Variants in WDR11 observed in about 807,000 individuals in gnomAD.
WDR11 encodes WD repeat-containing protein 11.
In WDR11, 83 loss-of-function variants were observed where a neutral mutation model predicts 151.2. The ratio of observed to expected loss-of-function variants is 0.55; its 90% CI spans 0.46 to 0.66. The LOEUF (loss-of-function observed/expected upper bound fraction) is 0.66, where lower values mean the gene tolerates loss of function less well. Among genes scored for constraint, WDR11 ranks in the 30% least tolerant of loss-of-function variants. The pLI is 0.00. For missense variants in WDR11, 1,301 were observed against 1,480.9 expected (o/e 0.88, Z 1.99); for synonymous variants, 484 against 533.1 (o/e 0.91, Z 1.27).
At chr10:120,884,471 G>A (rs74158336) in intron 14 of WDR11, among the ~76,000 whole-genome samples, 9,331 of 152,036 alleles carry the variant, frequency 0.061, 964 homozygotes, top group African/African-American at 0.21. Flanking sequence ...ACTTAATACC[G>A]TATAGAGAAG....
At chr10:120,895,961 G>A (rs1002716188) in intron 19 of WDR11, among the ~76,000 whole-genome samples, 2 of 152,054 alleles carry the variant, frequency 1.3e-5, no homozygotes, top group Non-Finnish European at 2.9e-5. Context: ...CAATCCCAGC[G>A]CTAAGAATTT....
intron 12 of WDR11, chr10:120,879,488 A>G (rs1042554822): frequency 3.9e-5 from 6 of 152,144 alleles, no homozygotes; most frequent in African/African-American, 1.4e-4. Flanking sequence ...GTTGTCTAGT[A>G]TCATTGACTT....
intron 11 of WDR11, among the ~76,000 whole-genome samples, chr10:120,875,890 G>T (rs1373024147): frequency 2.6e-5 from 4 of 151,458 alleles, no homozygotes; most frequent in African/African-American, 9.7e-5. Context: ...TGTAGGTCTT[G>T]TGTATAAAAA....
At chr10:120,865,558 A>T in intron 6 of WDR11, 72 bp from the exon 7 acceptor site, 2 of 1,015,720 alleles carry the variant, frequency 2.0e-6, no homozygotes, top group South Asian at 1.5e-5. Context: ...TCTAAATATG[A>T]GTTTGAGTTT....
intron 2 of WDR11, among the ~76,000 whole-genome samples, chr10:120,855,916 C>T (rs1304627941): frequency 6.6e-6 from 1 of 152,172 alleles, no homozygotes; most frequent in African/African-American, 2.4e-5. Flanking sequence ...AGAGGATACT[C>T]TTGTCCTGTT....
chr10:120,906,187 A>G, intron 27 of WDR11, 166 bp downstream of exon 27: 1 of 1,514,096 alleles, frequency 6.6e-7, no homozygotes, highest in Non-Finnish European at 8.8e-7. Context: ...GTCCGTATTC[A>G]TTACATCTTC....
chr10:120,901,726 A>T (rs376745617), intron 21 of WDR11, among the ~76,000 whole-genome samples: 1 of 152,246 alleles, frequency 6.6e-6, no homozygotes, highest in African/African-American at 2.4e-5. Context: ...AGTTTTTTCT[A>T]TGCAAAGATT....
intron 28 of WDR11, chr10:120,908,297 C>CGCCG: frequency 2.1e-6 from 1 of 465,482 alleles, no homozygotes; most frequent in Non-Finnish European, 3.9e-6. Flanking sequence ...TTGGTTGGGT[C>CGCCG]TTCTGGAAGG....
chr10:120,855,259 G>T (rs763288087), intron 2 of WDR11, among the ~76,000 whole-genome samples: 2 of 152,174 alleles, frequency 1.3e-5, no homozygotes, highest in African/African-American at 2.4e-5. Context: ...AGGGCAGGTG[G>T]TGTATACAGC....
chr10:120,877,672 G>A (rs2133770005), intron 11 of WDR11, among the ~76,000 whole-genome samples: 1 of 152,144 alleles, frequency 6.6e-6, no homozygotes, highest in East Asian at 1.9e-4. Flanking sequence ...AAAAATGTCT[G>A]AATTTATTAG....
intron 4 of WDR11, among the ~76,000 whole-genome samples, chr10:120,861,187 G>A (rs1590059290): frequency 6.6e-6 from 1 of 152,256 alleles, no homozygotes; most frequent in Non-Finnish European, 1.5e-5. Context: ...TCCTGGATTT[G>A]AATGACTCAA....
intron 19 of WDR11, 70 bp from the exon 20 acceptor site, chr10:120,899,959 G>T: frequency 7.6e-7 from 1 of 1,324,452 alleles, no homozygotes. Context: ...TCTGTAAATG[G>T]TTTATAGCTG....
chr10:120,888,616 G>A (rs555132993), intron 16 of WDR11, among the ~76,000 whole-genome samples: 1 of 152,286 alleles, frequency 6.6e-6, no homozygotes, highest in South Asian at 2.1e-4. Flanking sequence ...GTTCCAAAAC[G>A]TGTCAGTGAA....
intron 6 of WDR11, 45 bp from the exon 7 acceptor site, chr10:120,865,577 ATACTTTAT>A (rs1386932688): frequency 4.7e-5 from 58 of 1,235,308 alleles, no homozygotes; most frequent in Non-Finnish European, 6.5e-5. Context: ...TTCACAGTAT[ATACTTTAT>A]TAATCTATTG....
chr10:120,870,231 C>A (rs4620639), intron 9 of WDR11, among the ~76,000 whole-genome samples: 47,228 of 151,988 alleles, frequency 0.31, 7,630 homozygotes, highest in East Asian at 0.42. Flanking sequence ...AACAACTTTA[C>A]AGCTTCAAAA....
intron 13 of WDR11, among the ~76,000 whole-genome samples, chr10:120,881,932 A>AG: frequency 6.6e-6 from 1 of 152,036 alleles, no homozygotes; most frequent in Non-Finnish European, 1.5e-5. Flanking sequence ...CTGATCCTGG[A>AG]CCTTATGGAG....
chr10:120,860,164 C>T lies in WDR11; in HGVS notation c.408C>T (p.His136=). 2 of 1,614,176 alleles carry T rather than the reference C, an allele frequency of 1.2e-6. No homozygotes were observed. Among genetic ancestry groups the T allele is most frequent in the Admixed American group, 1.7e-5 (1 of 60,018 alleles). ...CCCGCGATTTACTGCTTGCTATCCA[C>T]CCGCCAAATTACATTGTGCTCTGGA... ...DASRDLLLAI[H]PPNYIVLWNA... The change falls in exon 4 of 29, where the codon CAC becomes CAT. Residue 136 remains histidine, a synonymous_variant. Transcript: ENST00000263461.
rs11199637 is a variant in WDR11, at chr10:120,904,438, G to A, written c.3028-208G>A. On this transcript the variant is annotated intron_variant, in intron 24 of 28. Transcript: ENST00000263461. The stretch of plus-strand genomic sequence containing the variant: ...ACAAAGCTAAAATAGGCAATTACTC[G>A]AGCACCTAGATACACCAGCCTCTGG... Among the ~76,000 whole-genome samples the A allele has an allele frequency of 0.38, 57,158 of 151,842 alleles. 10,889 individuals are homozygous for A. Among genetic ancestry groups the A allele is most frequent in the Admixed American group, 0.44 (6,738 of 15,264 alleles).
In WDR11 at chr10:120,890,787, G is replaced by A. The variant is rs772805840; in HGVS notation, c.2415G>A (p.Thr805=). ...TFRILDVDWC[T]SDKVILASDD... Reference sequence around the variant, plus strand: ...GTATATTGGATGTGGACTGGTGTACGTCAGATAAAGTGATCTTGGCCTCAG... The same window carrying A: ...GTATATTGGATGTGGACTGGTGTACATCAGATAAAGTGATCTTGGCCTCAG... The change falls in exon 19 of 29, where the codon ACG becomes ACA. Residue 805 remains threonine (T), a synonymous_variant. Coordinates refer to ENST00000263461, the MANE Select transcript of WDR11 (RefSeq NM_018117.12). 1.3e-5 allele frequency: 21 copies of A among 1,614,204 alleles called. No homozygotes were observed. Among genetic ancestry groups the A allele is most frequent in the Middle Eastern group, 1.6e-4 (1 of 6,062 alleles).
Sources: allele counts gnomAD v4.1 joint callset (sites outside exome capture counted in the v4.1 genomes callset), GRCh38; gene constraint gnomAD v4.1.1; transcripts MANE v1.5; gene names NCBI Gene and HGNC (gene_info 2026-07-23, HGNC 2026-07-21).